Variants in ERICH1 observed in about 807,000 individuals in gnomAD.
ERICH1 encodes glutamate-rich protein 1.
A neutral mutation model predicts 39.6 loss-of-function variants in ERICH1; 56 were observed. The ratio of observed to expected loss-of-function variants is 1.41; its 90% CI spans 1.14 to 1.77. The LOEUF is 1.77. Among genes scored for constraint, ERICH1 ranks in the 40% most tolerant of loss-of-function variants. The pLI, the probability that ERICH1 is intolerant of heterozygous loss-of-function variation, is 0.00. For missense variants in ERICH1, 826 were observed against 575.4 expected (o/e 1.44, Z -4.45); for synonymous variants, 313 against 223.6 (o/e 1.40, Z -3.57).
chr8:672,318 A>G lies in ERICH1; in HGVS notation c.1063+971T>C, dbSNP rs531982169. Reference sequence around the variant, plus strand: ...TGTGCCATCTGGATATATGTTTTCAATTTGTTAATACAATCTGCTGAGAAA... The same window carrying G: ...TGTGCCATCTGGATATATGTTTTCAGTTTGTTAATACAATCTGCTGAGAAA... On this transcript the variant is annotated intron_variant, in intron 4 of 5. Transcript: ENST00000262109. 7.2e-5 allele frequency: 11 copies of G among 152,334 alleles called. No homozygotes were observed. In the South Asian group the frequency reaches 1.0e-3, roughly 14 times the overall value. The allele number at this position is 152,334 out of a possible 1,614,324, so 9.4% of individuals were successfully genotyped here. A position where few individuals can be genotyped will look rare whatever the true frequency, so the allele number is the denominator to read the frequency against.
At chr8:671,492 G>A (rs1329646489) in intron 4 of ERICH1, among the ~76,000 whole-genome samples, 9 of 139,846 alleles carry the variant, frequency 6.4e-5, no homozygotes, top group Admixed American at 5.8e-4. Context: ...TGCCAGCCCC[G>A]GTTCTAATGT....
chr8:661,129 G>A (rs1434113047), downstream of ERICH1, among the ~76,000 whole-genome samples: 2 of 152,320 alleles, frequency 1.3e-5, no homozygotes, highest in South Asian at 2.1e-4. Context: ...ATATTGGTGC[G>A]AGGCGGGGCA....
intron 3 of ERICH1, among the ~76,000 whole-genome samples, chr8:654,035 G>C (rs1002912020): frequency 6.6e-6 from 1 of 152,176 alleles, no homozygotes; most frequent in African/African-American, 2.4e-5. Flanking sequence ...TGGCTGCCAG[G>C]TGCAGGGAGG....
intron 3 of ERICH1, among the ~76,000 whole-genome samples, chr8:682,877 T>C (rs1391027078): frequency 1.3e-5 from 2 of 152,192 alleles, no homozygotes; most frequent in Non-Finnish European, 2.9e-5. Context: ...AGGCTACAAA[T>C]TGCATCTGAT....
chr8:679,610 T>G (rs906558517), intron 3 of ERICH1, among the ~76,000 whole-genome samples: 1 of 152,240 alleles, frequency 6.6e-6, no homozygotes, highest in Non-Finnish European at 1.5e-5. Context: ...TCATGTAAAG[T>G]GTATGATAAA....
At chr8:663,798 C>T (rs193197112), downstream of ERICH1, among the ~76,000 whole-genome samples, 67 of 151,544 alleles carry the variant, frequency 4.4e-4, 1 homozygote, top group East Asian at 0.011. Flanking sequence ...CTCGCTCTGT[C>T]GCCCAGGCTG....
intron 2 of ERICH1, among the ~76,000 whole-genome samples, chr8:710,633 C>A (rs926477711): frequency 6.6e-6 from 1 of 152,236 alleles, no homozygotes; most frequent in African/African-American, 2.4e-5. Context: ...CAATGTGTAG[C>A]CTTTTCAGAT....
At chr8:631,788 G>A (rs62486193) in intron 3 of ERICH1, among the ~76,000 whole-genome samples, 5,954 of 152,178 alleles carry the variant, frequency 0.039, 189 homozygotes, top group African/African-American at 0.088. Flanking sequence ...ATGTTTACAG[G>A]CACTGACTAA....
intron 3 of ERICH1, among the ~76,000 whole-genome samples, chr8:632,456 G>A (rs143255934): frequency 6.6e-6 from 1 of 152,284 alleles, no homozygotes; most frequent in East Asian, 1.9e-4. Flanking sequence ...TTAAAAAAAT[G>A]TATGCAGCTC....
At chr8:689,121 T>C (rs79652516) in intron 3 of ERICH1, among the ~76,000 whole-genome samples, 2 of 110,816 alleles carry the variant, frequency 1.8e-5, no homozygotes, top group African/African-American at 6.7e-5. Flanking sequence ...ATCTTTTTTT[T>C]CTTTTTTTGA....
intron 1 of ERICH1, 68 bp from the exon 2 acceptor site, chr8:716,075 CG>C (rs772891517): frequency 2.4e-5 from 37 of 1,518,650 alleles, no homozygotes; most frequent in Non-Finnish European, 3.1e-5. Context: ...CTGAATCACA[CG>C]TGACTTTTAC....
chr8:669,811 G>C (rs1802882416), intron 4 of ERICH1, among the ~76,000 whole-genome samples: 1 of 152,240 alleles, frequency 6.6e-6, no homozygotes, highest in South Asian at 2.1e-4. Context: ...CTGGCTGCTG[G>C]TCTTGTTTCT....
intron 3 of ERICH1, chr8:616,199 C>T: frequency 4.7e-6 from 1 of 212,164 alleles, no homozygotes; most frequent in Non-Finnish European, 9.6e-6. Context: ...ATTCCGTAAC[C>T]TGAAAAGTGT....
chr8:640,702 C>T (rs920246091), intron 3 of ERICH1: 2 of 152,088 alleles, frequency 1.3e-5, no homozygotes, highest in Non-Finnish European at 2.9e-5. Flanking sequence ...AAAGAGTCCA[C>T]GTAGGTTATA....
intron 2 of ERICH1, among the ~76,000 whole-genome samples, chr8:708,987 C>A (rs1703943): frequency 6.6e-6 from 1 of 151,894 alleles, no homozygotes. Context: ...AGCCACTTTG[C>A]CCGGCCAAGT....
chr8:729,322 C>T (rs565603386), intron 1 of ERICH1, among the ~76,000 whole-genome samples: 2 of 152,350 alleles, frequency 1.3e-5, no homozygotes, highest in South Asian at 2.1e-4. Context: ...GCAACCACCC[C>T]ATGACCCTGA....
rs866732967 is a variant in ERICH1 at position 629,735 on chromosome 8, G to C, written c.977-14451C>G. ...AGACAGAGCTGACTCACACCCTCCC[G>C]TGACAACCCACACAGAGCTGACTCA... On this transcript the variant is annotated intron_variant, in intron 3 of 3. Coordinates refer to the ERICH1 transcript ENST00000522706. 3.6e-4 allele frequency among the ~76,000 whole-genome samples: 46 copies of C among 127,792 alleles called. 1 individual carries two copies. The highest frequency in any genetic ancestry group is 7.7e-4 in the Admixed American group (10 of 12,960). The allele number at this position is 127,792 out of a possible 152,430, so 83.8% of individuals were successfully genotyped here.
chr8:709,051 G>A (rs1814102661), intron 2 of ERICH1, among the ~76,000 whole-genome samples: 1 of 152,048 alleles, frequency 6.6e-6, no homozygotes, highest in African/African-American at 2.4e-5. Flanking sequence ...GTAATGGAAT[G>A]GTTGTACAAC....
At chr8:693,832 G>A (rs552639979) in intron 2 of ERICH1, among the ~76,000 whole-genome samples, 28 of 151,402 alleles carry the variant, frequency 1.8e-4, no homozygotes, top group Non-Finnish European at 3.4e-4. Flanking sequence ...CCTGCTGCAC[G>A]CCCCTCTGCG....
Sources: allele counts gnomAD v4.1 joint callset (sites outside exome capture counted in the v4.1 genomes callset), GRCh38; gene constraint gnomAD v4.1.1; transcripts MANE v1.5; gene names NCBI Gene and HGNC (gene_info 2026-07-23, HGNC 2026-07-21).